ATRX: variants seen among roughly 807,000 people sequenced by gnomAD.
The protein encoded by ATRX is ATRX chromatin remodeler.
A neutral mutation model predicts 172.6 loss-of-function variants in ATRX; 12 were observed. The ratio of observed to expected loss-of-function variants is 0.07; its 90% CI spans 0.04 to 0.11. The LOEUF (loss-of-function observed/expected upper bound fraction) is 0.11. Among genes scored for constraint, ATRX ranks in the 10% least tolerant of loss-of-function variants. The probability of loss-of-function intolerance (pLI) is 1.00; values close to 1 mark genes in which losing one functional copy is unlikely to be tolerated. For synonymous variants in ATRX, 674 were observed against 594.7 expected, an observed-to-expected ratio of 1.13 and a Z score of -1.94; for missense variants, 1,368 against 1,767.4, an observed-to-expected ratio of 0.77 and a Z score of 4.05.
chrX:77,716,323 A>AATAT (rs1292367303), intron 2 of ATRX, among the ~76,000 whole-genome samples: 391 of 20,998 alleles, frequency 0.019, 15 homozygotes, highest in Middle Eastern at 0.027. Context: ...AAAAAAAAAA[A>AATAT]ATATATATAT....
intron 1 of ATRX, among the ~76,000 whole-genome samples, chrX:77,732,107 C>A (rs1328886029): frequency 8.9e-6 from 1 of 111,741 alleles, no homozygotes; most frequent in Non-Finnish European, 1.9e-5. Flanking sequence ...CAGACACCAC[C>A]CCCCTCCCCA....
chrX:77,655,423 G>GA (rs1195882932), intron 13 of ATRX, among the ~76,000 whole-genome samples: 7 of 108,341 alleles, frequency 6.5e-5, no homozygotes, highest in African/African-American at 1.3e-4. Context: ...TATGCTAAGT[G>GA]AAAAAAAAAT....
chrX:77,739,103 G>A (rs191872370), intron 1 of ATRX, among the ~76,000 whole-genome samples: 3 of 110,646 alleles, frequency 2.7e-5, no homozygotes, highest in African/African-American at 9.8e-5. Context: ...CAGTACACAT[G>A]AACCCAATTT....
chrX:77,641,493 A>AT (rs2068653916), intron 15 of ATRX, among the ~76,000 whole-genome samples: 1 of 108,761 alleles, frequency 9.2e-6, no homozygotes, highest in Non-Finnish European at 1.9e-5. Flanking sequence ...AGGCAGGAGA[A>AT]TCGCTTGAAC....
intron 2 of ATRX, among the ~76,000 whole-genome samples, chrX:77,713,305 A>G (rs2073205110): frequency 8.9e-6 from 1 of 111,741 alleles, no homozygotes; most frequent in South Asian, 3.8e-4. Context: ...AATATAAAAC[A>G]TATTATTGGC....
chrX:77,754,057 C>G (rs1250528267), intron 1 of ATRX, among the ~76,000 whole-genome samples: 2 of 111,852 alleles, frequency 1.8e-5, no homozygotes, highest in African/African-American at 6.5e-5. Context: ...AATAGCTCTT[C>G]TTGTTGCATC....
intron 22 of ATRX, among the ~76,000 whole-genome samples, chrX:77,611,659 C>A (rs1191090360): frequency 9.0e-6 from 1 of 110,638 alleles, no homozygotes; most frequent in African/African-American, 3.3e-5. Context: ...AAGTTCAAGA[C>A]GAGCCTGGGC....
intron 15 of ATRX, among the ~76,000 whole-genome samples, chrX:77,643,040 A>AC (rs782069773): frequency 8.9e-6 from 1 of 111,865 alleles, no homozygotes; most frequent in African/African-American, 3.2e-5. Flanking sequence ...TCCTTGCCCC[A>AC]CCACCTACCA....
chrX:77,786,073 C>T lies in ATRX; in HGVS notation c.-72G>A, dbSNP rs1371278843. The T allele has an allele frequency of 1.2e-5, 13 of 1,108,297 alleles. No individual in the cohort carries two copies. The Admixed American group carries it at 3.4e-4, about 29-fold the overall frequency. 91.3% of individuals were successfully genotyped at this position (1,108,297 alleles called of 1,213,427 possible). A position where few individuals can be genotyped will look rare whatever the true frequency, so the allele number is the denominator to read the frequency against. On this transcript the variant is annotated 5_prime_UTR_variant, in exon 1 of 35. Transcript: ENST00000373344. ...ATCTGCGCTCCCCCGCGCCCGGTTA[C>T]GATAGAAATGCACTGGAGTCTTAGT...
rs1557033208 is a variant in ATRX at position 77,506,668 on chromosome X, G to A, written c.*1683C>T. 5.8e-6 allele frequency: 1 copy of A among 172,813 alleles called. No homozygotes were observed. Among genetic ancestry groups the A allele is most frequent in the Non-Finnish European group, 1.1e-5 (1 of 90,980 alleles). The allele number at this position is 172,813 out of a possible 1,213,427, so 14.2% of individuals were successfully genotyped here. ...GGCTAGCATAATATCTAAATATACA[G>A]GATTTATTAGTGATATTTCATCATG... On this transcript the variant is annotated 3_prime_UTR_variant, in exon 35 of 35. Coordinates refer to ENST00000373344, the MANE Select transcript of ATRX (RefSeq NM_000489.6).
chrX:77,574,324 G>A lies in ATRX; in HGVS notation c.6252C>T (p.Tyr2084=), dbSNP rs1557069206. The change falls in exon 28 of 35, where the codon TAC becomes TAT. Residue 2084 remains tyrosine (Y), a synonymous_variant. Coordinates refer to ENST00000373344, the MANE Select transcript of ATRX (RefSeq NM_000489.6). ...EGKWLRNIDY[Y]RLDGSTTAQS... is the part of the protein sequence containing the mutation. ...GTGCAGTAGTGGAACCATCTAAACG[G>A]TAATAGTCAATGTTTCGAAGCCACT... is the stretch of plus-strand genomic sequence containing the variant. The A allele has an allele frequency of 2.2e-5, 27 of 1,205,758 alleles. No individual in the cohort carries two copies. The highest frequency in any genetic ancestry group is 2.9e-5 in the Non-Finnish European group (26 of 891,784).
chrX:77,781,336 G>A (rs2076561957), intron 1 of ATRX, among the ~76,000 whole-genome samples: 1 of 107,851 alleles, frequency 9.3e-6, no homozygotes, highest in Non-Finnish European at 1.9e-5. Context: ...CGGCTACTCG[G>A]GAGGCTGAGG....
intron 1 of ATRX, among the ~76,000 whole-genome samples, chrX:77,740,390 CTTTCCTAGGTT>C: frequency 9.0e-6 from 1 of 111,234 alleles, no homozygotes; most frequent in South Asian, 3.8e-4. Flanking sequence ...GGCCCCTACA[CTTTCCTAGGTT>C]TTACCTCCAG....
intron 30 of ATRX, among the ~76,000 whole-genome samples, chrX:77,555,395 AC>A (rs2064735981): frequency 8.9e-6 from 1 of 111,753 alleles, no homozygotes; most frequent in East Asian, 2.8e-4. Context: ...TACTATAAAG[AC>A]ACATGCACAC....
chrX:77,526,078 C>T (rs2063371722), intron 30 of ATRX, among the ~76,000 whole-genome samples: 1 of 111,015 alleles, frequency 9.0e-6, no homozygotes, highest in South Asian at 3.8e-4. Context: ...AAATTGAGGC[C>T]CAAAGAGGCA....
chrX:77,511,318 A>T (rs1391983724), intron 34 of ATRX, among the ~76,000 whole-genome samples: 2 of 111,679 alleles, frequency 1.8e-5, no homozygotes, highest in African/African-American at 6.5e-5. Flanking sequence ...TTGAATACCT[A>T]GAAAGCCTTC....
rs781914583 is a variant in ATRX, at chrX:77,600,883, T to C, written c.5567-319A>G. The C allele has an allele frequency of 2.3e-4, 47 of 200,652 alleles. 1 individual carries two copies. The highest frequency in any genetic ancestry group is 3.9e-4 in the Non-Finnish European group (43 of 110,203). 16.5% of individuals were successfully genotyped at this position (200,652 alleles called of 1,213,427 possible). On this transcript the variant is annotated intron_variant, in intron 22 of 34. Coordinates refer to ENST00000373344, the MANE Select transcript of ATRX (RefSeq NM_000489.6). ...GAAGTATTGATAAACATAAATGATT[T>C]TGAGGTATCAGGAACAACATGTAAA...
intron 34 of ATRX, among the ~76,000 whole-genome samples, chrX:77,517,779 T>C (rs1334335143): frequency 9.0e-6 from 1 of 111,706 alleles, no homozygotes; most frequent in African/African-American, 3.3e-5. Flanking sequence ...AACAAAATAA[T>C]AGCAAACACA....
rs1557137996 is a variant in ATRX, at chrX:77,682,055, T to C, written c.3201A>G (p.Ser1067=). 2 of 1,211,276 alleles carry C rather than the reference T, an allele frequency of 1.7e-6. No individual in the cohort carries two copies. Residue 1067 remains serine, a synonymous_variant, in exon 9 of 35, where the codon TCA becomes TCG. Coordinates refer to ENST00000373344, the MANE Select transcript of ATRX (RefSeq NM_000489.6). The part of the protein sequence containing the change: ...KDELSDYAEK[S]TGKGDSCDSS... ...AGTCACAACTATCTCCTTTCCCTGT[T>C]GACTTCTCAGCATAATCAGATAATT...
Sources: allele counts gnomAD v4.1 joint callset (sites outside exome capture counted in the v4.1 genomes callset), GRCh38; gene constraint gnomAD v4.1.1; transcripts MANE v1.5; gene names NCBI Gene and HGNC (gene_info 2026-07-23, HGNC 2026-07-21).